MAGI1: variants seen among roughly 807,000 people sequenced by gnomAD.
The protein encoded by MAGI1 is membrane associated guanylate kinase, WW and PDZ domain containing 1.
MAGI1 carries 58 observed loss-of-function variants against 139.9 expected under a neutral mutation model. The ratio of observed to expected loss-of-function variants is 0.41; its 90% CI spans 0.34 to 0.52. MAGI1 has a LOEUF of 0.52. MAGI1 is among the 20% of genes least tolerant of loss of function. MAGI1 has a pLI of 0.12. For missense variants in MAGI1, 1,874 were observed against 1,901.6 expected (o/e 0.99, Z 0.27); for synonymous variants, 812 against 737.9 (o/e 1.10, Z -1.63).
At chr3:65,899,975 C>T (rs2061150872) in intron 1 of MAGI1, among the ~76,000 whole-genome samples, 1 of 152,134 alleles carries the variant, frequency 6.6e-6, no homozygotes, top group African/African-American at 2.4e-5. Context: ...ACATTTTTCA[C>T]ATATCTTGCA....
chr3:65,616,099 T>C (rs2083355226), intron 2 of MAGI1, among the ~76,000 whole-genome samples: 2 of 152,220 alleles, frequency 1.3e-5, no homozygotes, highest in African/African-American at 2.4e-5. Flanking sequence ...AAATATATGA[T>C]GGACAAGGGA....
At position 65,960,028 on chromosome 3, in the gene MAGI1, C is replaced by T. The variant is rs138496778; in HGVS notation, c.313+77968G>A. On this transcript the variant is annotated intron_variant, in intron 1 of 22. Transcript: ENST00000402939. ...TTTACCGTGTTAGCCAGGATGGTCT[C>T]GACCTCCTGACCTCATGATCCGCCT... Among the ~76,000 whole-genome samples, 392 of 151,178 alleles carry T rather than the reference C, an allele frequency of 2.6e-3. 2 individuals carry two copies. Among genetic ancestry groups the T allele is most frequent in the African/African-American group, 8.2e-3 (337 of 41,196 alleles).
intron 1 of MAGI1, among the ~76,000 whole-genome samples, chr3:65,966,297 T>C (rs114907370): frequency 0.012 from 1,782 of 152,252 alleles, 37 homozygotes; most frequent in African/African-American, 0.034. Context: ...GAAGGGACAG[T>C]ATTTTACCAA....
chr3:65,365,027 A>G, intron 18 of MAGI1, 81 bp from the exon 19 acceptor site: 1 of 1,048,692 alleles, frequency 9.5e-7, no homozygotes, highest in Non-Finnish European at 1.5e-6. Flanking sequence ...GAAGCCCTGT[A>G]TCTGAATAAC....
intron 10 of MAGI1, among the ~76,000 whole-genome samples, chr3:65,436,300 G>A (rs1279932850): frequency 6.6e-6 from 1 of 151,846 alleles, no homozygotes; most frequent in Non-Finnish European, 1.5e-5. Flanking sequence ...TATTTTTATT[G>A]TTTCTGTACC....
At chr3:65,589,144 A>G (rs1352806426) in intron 2 of MAGI1, among the ~76,000 whole-genome samples, 5 of 152,216 alleles carry the variant, frequency 3.3e-5, no homozygotes, top group Non-Finnish European at 7.3e-5. Context: ...CTGGGGAGAC[A>G]GGAAACTTGA....
chr3:65,650,181 C>T (rs1396392935), intron 1 of MAGI1, among the ~76,000 whole-genome samples: 1 of 152,152 alleles, frequency 6.6e-6, no homozygotes, highest in Non-Finnish European at 1.5e-5. Context: ...TGGTGCTCTT[C>T]CACCCTGTGC....
chr3:65,466,293 T>A (rs1344563319), intron 5 of MAGI1, among the ~76,000 whole-genome samples: 1 of 152,172 alleles, frequency 6.6e-6, no homozygotes, highest in African/African-American at 2.4e-5. Flanking sequence ...ATTCTTAGGA[T>A]AATAAGTGAT....
At chr3:65,847,583 G>C (rs951584603) in intron 1 of MAGI1, among the ~76,000 whole-genome samples, 1 of 152,140 alleles carries the variant, frequency 6.6e-6, no homozygotes, top group South Asian at 2.1e-4. Flanking sequence ...TTATCAATGT[G>C]TATGATAAAT....
chr3:65,381,925 T>C lies in MAGI1; in HGVS notation c.2653A>G (p.Lys885Glu). The C allele has an allele frequency of 1.2e-6, 2 of 1,614,016 alleles. No homozygotes were observed. Among genetic ancestry groups the C allele is most frequent in the Non-Finnish European group, 1.7e-6 (2 of 1,179,974 alleles). The change falls in exon 16 of 23, where the codon AAG becomes GAG. Residue 885 changes from lysine (K) to glutamate (E), a missense_variant. By Grantham distance (56) the Lys-to-Glu change is moderately conservative. This residue lies in a region of MAGI1 where 482 missense variants were observed against 509.6 expected (regional missense o/e 0.95). Transcript: ENST00000402939. Reference sequence around the variant, plus strand: ...ACCGTGAGATTGACGTGGCCTTGCTTGGCAGCTTGTTGCATAAGCTGGACC... The same window carrying C: ...ACCGTGAGATTGACGTGGCCTTGCTCGGCAGCTTGTTGCATAAGCTGGACC... ...LVVQLMQQAA[K>E]QGHVNLTVRR...
chr3:65,841,136 A>G (rs1188010939), intron 1 of MAGI1, among the ~76,000 whole-genome samples: 1 of 152,072 alleles, frequency 6.6e-6, no homozygotes, highest in Non-Finnish European at 1.5e-5. Context: ...GACAGCCTCC[A>G]TTTTATTTTT....
At chr3:65,435,553 A>G (rs1947789419) in intron 10 of MAGI1, among the ~76,000 whole-genome samples, 3 of 152,132 alleles carry the variant, frequency 2.0e-5, no homozygotes, top group Non-Finnish European at 2.9e-5. Context: ...CAGAAAATGT[A>G]TATCAAGGGA....
intron 1 of MAGI1, among the ~76,000 whole-genome samples, chr3:66,028,286 G>C (rs1036577434): frequency 6.6e-6 from 1 of 152,212 alleles, no homozygotes; most frequent in Non-Finnish European, 1.5e-5. Flanking sequence ...GCTGCTTGTA[G>C]GGTAGGTACT....
At chr3:65,623,255 T>G (rs2083781141) in intron 1 of MAGI1, among the ~76,000 whole-genome samples, 1 of 152,060 alleles carries the variant, frequency 6.6e-6, no homozygotes, top group African/African-American at 2.4e-5. Context: ...GCTTTTTGGT[T>G]GTTGTTGTTG....
chr3:65,737,913 A>C (rs892905037), intron 1 of MAGI1, among the ~76,000 whole-genome samples: 1 of 152,150 alleles, frequency 6.6e-6, no homozygotes, highest in Non-Finnish European at 1.5e-5. Context: ...TAGCGCATTA[A>C]ACCTGCCTCA....
At chr3:65,445,954 T>C (rs566510135) in intron 7 of MAGI1, among the ~76,000 whole-genome samples, 1 of 152,298 alleles carries the variant, frequency 6.6e-6, no homozygotes, top group East Asian at 1.9e-4. Context: ...AGCAGTGAGC[T>C]TGTCAACAGA....
chr3:65,760,229 C>A (rs1183488619), intron 1 of MAGI1, among the ~76,000 whole-genome samples: 2 of 151,776 alleles, frequency 1.3e-5, no homozygotes, highest in African/African-American at 4.8e-5. Context: ...AGGAGGTTCA[C>A]AATAAATGTC....
chr3:65,821,620 T>C (rs1400279061), intron 1 of MAGI1, among the ~76,000 whole-genome samples: 2 of 152,194 alleles, frequency 1.3e-5, no homozygotes, highest in Non-Finnish European at 2.9e-5. Context: ...ATTGGATTCT[T>C]ACCCACCAGC....
At chr3:65,955,829 G>A (rs745789981) in intron 1 of MAGI1, among the ~76,000 whole-genome samples, 6 of 151,944 alleles carry the variant, frequency 3.9e-5, no homozygotes, top group Admixed American at 1.3e-4. Context: ...CACCACTGAG[G>A]CCGCCAGTCA....
Sources: allele counts gnomAD v4.1 joint callset (sites outside exome capture counted in the v4.1 genomes callset), GRCh38; gene constraint gnomAD v4.1.1; regional missense constraint gnomAD v4.1.1; transcripts MANE v1.5; gene names NCBI Gene and HGNC (gene_info 2026-07-23, HGNC 2026-07-21).